The following ZPR1 variants were observed in gnomAD, a reference collection of about 807,000 sequenced individuals.
ZPR1 encodes zinc finger protein ZPR1.
Under a neutral mutation model 59.6 loss-of-function variants are expected in ZPR1, and 37 were observed. That is an observed-to-expected ratio of 0.62 (90% CI 0.48 to 0.82). ZPR1 has a LOEUF of 0.82. Among genes scored for constraint, ZPR1 ranks in the 40% least tolerant of loss-of-function variants. The probability of loss-of-function intolerance (pLI) is 0.00; values close to 1 mark genes in which losing one functional copy is unlikely to be tolerated. For missense variants in ZPR1, 527 were observed against 579.9 expected, an observed-to-expected ratio of 0.91 and a Z score of 0.94; for synonymous variants, 191 against 215.2, an observed-to-expected ratio of 0.89 and a Z score of 0.99.
rs1319268209 is a variant in ZPR1, at chr11:116,775,409, G to T, written c.*3516C>A. On this transcript the variant is annotated 3_prime_UTR_variant, in exon 14 of 14. Coordinates refer to ENST00000227322, the MANE Select transcript of ZPR1 (RefSeq NM_003904.5). The stretch of plus-strand genomic sequence containing the variant: ...AGGAGGCAAGGCTGCAGTGAGCCAA[G>T]ATCGCACCACTGCACTCCATCCTGG... 1 of 143,566 alleles carries T rather than the reference G, an allele frequency of 7.0e-6. No homozygotes were observed. Among genetic ancestry groups the T allele is most frequent in the African/African-American group, 2.6e-5 (1 of 38,046 alleles). 8.9% of individuals were successfully genotyped at this position (143,566 alleles called of 1,614,324 possible).
At chr11:116,781,053 G>A (rs1014803905) in intron 12 of ZPR1, among the ~76,000 whole-genome samples, 2 of 151,984 alleles carry the variant, frequency 1.3e-5, no homozygotes, top group African/African-American at 2.4e-5. Context: ...TAGTGGAAAT[G>A]AAAACCTCAA....
chr11:116,781,525 T>C (rs2134194522), intron 12 of ZPR1, among the ~76,000 whole-genome samples: 1 of 152,330 alleles, frequency 6.6e-6, no homozygotes, highest in Non-Finnish European at 1.5e-5. Context: ...GAAATTCTGA[T>C]AAAAAATTAT....
rs1333125492 is a variant in ZPR1, at chr11:116,787,910, G to T, written c.81C>A (p.Ala27=). ...TGATGGGCCGGAACAGGTGATCAGG[G>T]GCAGGCGGCGGGGCCGGGGCGGGCG... ...APSPAPAPPP[A]PDHLFRPISA... The change falls in exon 1 of 14, where the codon GCC becomes GCA. Residue 27 remains alanine, a synonymous_variant. Coordinates refer to ENST00000227322, the MANE Select transcript of ZPR1 (RefSeq NM_003904.5). The T allele has an allele frequency of 1.3e-6, 2 of 1,519,388 alleles. No homozygotes were observed. The highest frequency in any genetic ancestry group is 1.2e-5 in the South Asian group (1 of 82,276). 94.1% of individuals were successfully genotyped at this position (1,519,388 alleles called of 1,614,324 possible).
Position 116,775,169 on chromosome 11 carries a change from C to T in ZPR1, c.*3756G>A, listed in dbSNP as rs1940704991. The T allele has an allele frequency of 1.3e-5, 2 of 152,288 alleles. No individual in the cohort carries two copies. Among genetic ancestry groups the T allele is most frequent in the Non-Finnish European group, 2.9e-5 (2 of 68,124 alleles). The allele number at this position is 152,288 out of a possible 1,614,324, so 9.4% of individuals were successfully genotyped here. A position where few individuals can be genotyped will look rare whatever the true frequency, so the allele number is the denominator to read the frequency against. On this transcript the variant is annotated 3_prime_UTR_variant, in exon 14 of 14. Transcript: ENST00000227322. ...GGGTTTGACACCTGCCTCTTAGAAG[C>T]TCTACTTCTGGCCAGGCACGGTGGC...
rs2134195594 is a variant in ZPR1 at position 116,783,049 on chromosome 11, T to G, written c.982-20A>C. 1 of 1,598,430 alleles carries G rather than the reference T, an allele frequency of 6.3e-7. No homozygotes were observed. Among genetic ancestry groups the G allele is most frequent in the Middle Eastern group, 1.7e-4 (1 of 6,034 alleles). ...CTCAGACTGTGAAATGAGAGGTCAGTTTAAGCTTTAAGTCAGAAGCAAAGA... is the reference window on the plus strand; with the variant it reads ...CTCAGACTGTGAAATGAGAGGTCAGGTTAAGCTTTAAGTCAGAAGCAAAGA... On this transcript the variant is annotated intron_variant, in intron 10 of 13. Coordinates refer to ENST00000227322, the MANE Select transcript of ZPR1 (RefSeq NM_003904.5).
chr11:116,784,881 G>A lies in ZPR1; in HGVS notation c.794C>T (p.Pro265Leu). 2 of 1,614,232 alleles carry A rather than the reference G, an allele frequency of 1.2e-6. No homozygotes were observed. ...FSTNCPECNA[P>L]AQTNMKLVQI... ...TACTAGCTTCATGTTGGTCTGAGCGGGGGCATTGCATTCTGGGCAGTTTGT... is the reference window on the plus strand; with the variant it reads ...TACTAGCTTCATGTTGGTCTGAGCGAGGGCATTGCATTCTGGGCAGTTTGT... The change falls in exon 8 of 14, where the codon CCC becomes CTC. Residue 265 changes from proline to leucine, a missense_variant. Physicochemically the swap from Pro to Leu is moderately conservative, Grantham distance 98. Coordinates refer to ENST00000227322, the MANE Select transcript of ZPR1 (RefSeq NM_003904.5).
intron 13 of ZPR1, 136 bp downstream of exon 13, chr11:116,779,636 T>G (rs1940774294): frequency 3.3e-6 from 2 of 613,296 alleles, no homozygotes; most frequent in Non-Finnish European, 5.6e-6. Context: ...CTCCCTTATG[T>G]ATCTTCTAAC....
At chr11:116,786,420 C>T in intron 4 of ZPR1, 91 bp downstream of exon 4, 1 of 1,461,904 alleles carries the variant, frequency 6.8e-7, no homozygotes, top group African/African-American at 1.4e-5. Flanking sequence ...AGCAAGTTTC[C>T]AACACTTAGT....
In ZPR1 at chr11:116,778,822, A is replaced by G. The variant is rs61905116; in HGVS notation, c.*103T>C. The G allele has an allele frequency of 0.061, 87,267 of 1,429,666 alleles. 3,034 individuals carry two copies. Among genetic ancestry groups the G allele is most frequent in the Admixed American group, 0.13 (5,945 of 45,366 alleles). The allele number at this position is 1,429,666 out of a possible 1,614,324, so 88.6% of individuals were successfully genotyped here. ...CCAGATGTCCTCCCCACCATGGGCA[A>G]GGGCTGGTGGGAAAGACACTCCCAG... On this transcript the variant is annotated 3_prime_UTR_variant, in exon 14 of 14. Transcript: ENST00000227322.
chr11:116,778,725 G>A lies in ZPR1; in HGVS notation c.*200C>T, dbSNP rs1202712264. On this transcript the variant is annotated 3_prime_UTR_variant, in exon 14 of 14. Coordinates refer to ENST00000227322, the MANE Select transcript of ZPR1 (RefSeq NM_003904.5). Reference sequence around the variant, plus strand: ...GCCAATTCAAAACTTCCAAAATAAGGTCAAGTAACACAATAGGCTCACACT... The same window carrying A: ...GCCAATTCAAAACTTCCAAAATAAGATCAAGTAACACAATAGGCTCACACT... 8 of 661,134 alleles carry A rather than the reference G, an allele frequency of 1.2e-5. No homozygotes were observed. The Admixed American group carries it at 2.1e-4, about 17-fold the overall frequency. The allele number at this position is 661,134 out of a possible 1,614,324, so 41.0% of individuals were successfully genotyped here.
At chr11:116,784,183 T>C (rs1286620533) in intron 9 of ZPR1, among the ~76,000 whole-genome samples, 195 bp downstream of exon 9, 1 of 152,198 alleles carries the variant, frequency 6.6e-6, no homozygotes, top group Non-Finnish European at 1.5e-5. Flanking sequence ...AAACAAGTTA[T>C]AGAATCTCTA....
Position 116,782,185 on chromosome 11 carries a change from T to G in ZPR1, c.1152A>C (p.Leu384=), listed in dbSNP as rs746209213. Residue 384 remains leucine, a synonymous_variant, in exon 12 of 14, where the codon CTA becomes CTC. Coordinates refer to ENST00000227322, the MANE Select transcript of ZPR1 (RefSeq NM_003904.5). ...DSSNPGQTER[L]QEFSQKMDQI... ...GGTCCATCTTCTGGCTAAACTCCTG[T>G]AGTCTCTCCGTCTGTCCAGGATTGG... is the stretch of plus-strand genomic sequence containing the variant. 14 of 1,614,070 alleles carry G rather than the reference T, an allele frequency of 8.7e-6. No individual in the cohort carries two copies.
chr11:116,787,927 G>A lies in ZPR1; in HGVS notation c.64C>T (p.Pro22Ser), dbSNP rs1224368198. 6.7e-7 allele frequency: 1 copy of A among 1,492,506 alleles called. No homozygotes were observed. Among genetic ancestry groups the A allele is most frequent in the Admixed American group, 2.4e-5 (1 of 41,736 alleles). The allele number at this position is 1,492,506 out of a possible 1,614,324, so 92.5% of individuals were successfully genotyped here. ...PGAAVAPSPA[P>S]APPPAPDHLF... is the part of the protein sequence containing the mutation. ...TGATCAGGGGCAGGCGGCGGGGCCG[G>A]GGCGGGCGACGGGGCGACGGCAGCC... Residue 22 changes from proline (P) to serine (S), a missense_variant, in exon 1 of 14, where the codon CCG becomes TCG. Coordinates refer to ENST00000227322, the MANE Select transcript of ZPR1 (RefSeq NM_003904.5).
In ZPR1 at chr11:116,784,903, T is replaced by G; in HGVS notation, c.772A>C (p.Asn258His). Residue 258 changes from asparagine (N) to histidine (H), a missense_variant, in exon 8 of 14, where the codon AAC becomes CAC. Asn to His is a moderately conservative substitution (Grantham distance 68, BLOSUM62 1). Transcript: ENST00000227322. ...GCGGGGGCATTGCATTCTGGGCAGT[T>G]TGTGCTGAACTGGAGCACCTGGAAC... ...LRNEVLQFST[N>H]CPECNAPAQT... 1 of 1,614,210 alleles carries G rather than the reference T, an allele frequency of 6.2e-7. No homozygotes were observed. The highest frequency in any genetic ancestry group is 8.5e-7 in the Non-Finnish European group (1 of 1,180,038).
At chr11:116,783,474 G>C in intron 10 of ZPR1, 56 bp downstream of exon 10, 1 of 1,439,876 alleles carries the variant, frequency 6.9e-7, no homozygotes, top group Admixed American at 1.7e-5. Flanking sequence ...CCCCTAGATA[G>C]AGACAGTTTA....
At chr11:116,784,621 C>A in intron 8 of ZPR1, 173 bp from the exon 9 acceptor site, 1 of 811,572 alleles carries the variant, frequency 1.2e-6, no homozygotes, top group Non-Finnish European at 2.1e-6. Flanking sequence ...CCATGGCAAT[C>A]CCTGTTCACA....
At chr11:116,783,744 C>A in intron 9 of ZPR1, 125 bp from the exon 10 acceptor site, 1 of 720,296 alleles carries the variant, frequency 1.4e-6, no homozygotes, top group Non-Finnish European at 2.4e-6. Context: ...AAAGAAAGAG[C>A]CTTCTAAACA....
Position 116,787,985 on chromosome 11 carries a change from C to T in ZPR1, c.6G>A (p.Ala2=), listed in dbSNP as rs756497775. 6 of 1,425,938 alleles carry T rather than the reference C, an allele frequency of 4.2e-6. No homozygotes were observed. The African/African-American group carries it at 7.5e-5, about 18-fold the overall frequency. 88.3% of individuals were successfully genotyped at this position (1,425,938 alleles called of 1,614,324 possible). A position where few individuals can be genotyped will look rare whatever the true frequency, so the allele number is the denominator to read the frequency against. The change falls in exon 1 of 14, where the codon GCG becomes GCA. Residue 2 remains alanine (A), a synonymous_variant. Transcript: ENST00000227322. M[A]ASGAVEPGPP... ...GCCCTGGTTCCACAGCCCCGCTGGC[C>T]GCCATGGCCACCACGCGCAATTCAG... is the stretch of plus-strand genomic sequence containing the variant.
At chr11:116,783,159 C>T (rs1940834060) in intron 10 of ZPR1, 130 bp from the exon 11 acceptor site, 2 of 677,706 alleles carry the variant, frequency 3.0e-6, no homozygotes, top group Non-Finnish European at 5.1e-6. Flanking sequence ...TCTCTGACTC[C>T]CTTGTTAAAG....
Sources: allele counts gnomAD v4.1 joint callset (sites outside exome capture counted in the v4.1 genomes callset), GRCh38; gene constraint gnomAD v4.1.1; transcripts MANE v1.5; gene names NCBI Gene and HGNC (gene_info 2026-07-23, HGNC 2026-07-21).